ADCY5: variants seen among roughly 807,000 people sequenced by gnomAD.
ADCY5 encodes the protein adenylate cyclase 5.
A neutral mutation model predicts 119.7 loss-of-function variants in ADCY5; 30 were observed. That is an observed-to-expected ratio of 0.25 (90% CI 0.19 to 0.34). ADCY5 has a LOEUF of 0.34. ADCY5 is among the 10% of genes least tolerant of loss of function. The pLI is 1.00. For synonymous variants in ADCY5, 753 were observed against 762.2 expected, an observed-to-expected ratio of 0.99 and a Z score of 0.20; for missense variants, 1,324 against 1,775.2, an observed-to-expected ratio of 0.75 and a Z score of 4.57.
chr3:123,401,491 G>C (rs957769119), intron 1 of ADCY5, among the ~76,000 whole-genome samples: 2 of 152,216 alleles, frequency 1.3e-5, no homozygotes, highest in African/African-American at 4.8e-5. Flanking sequence ...ACCATCCTTG[G>C]AGCCCACATA....
rs77203530 is a variant in ADCY5 at position 123,289,392 on chromosome 3, C to T, written c.3532+358G>A. Among the ~76,000 whole-genome samples, 508 of 152,342 alleles carry T rather than the reference C, an allele frequency of 3.3e-3. 4 individuals carry two copies. Among genetic ancestry groups the T allele is most frequent in the African/African-American group, 8.6e-3 (359 of 41,570 alleles). On this transcript the variant is annotated intron_variant, in intron 19 of 20. Transcript: ENST00000462833. The stretch of plus-strand genomic sequence containing the variant: ...CTGTGCTACAACCACCAGAAGGCCC[C>T]ATGCCCTCGGCACAGAGCATCCCCC...
Position 123,448,577 on chromosome 3 carries a change from T to A in ADCY5, c.-32A>T. The A allele has an allele frequency of 8.0e-7, 1 of 1,252,950 alleles. No individual in the cohort carries two copies. The highest frequency in any genetic ancestry group is 1.0e-6 in the Non-Finnish European group (1 of 1,000,330). 77.6% of individuals were successfully genotyped at this position (1,252,950 alleles called of 1,614,324 possible). ...CTCGGCCTCGTCGTCTCCTTCCTCC[T>A]CCCCCGGAAGCCGGGCCGGGGGTCT... On this transcript the variant is annotated 5_prime_UTR_variant, in exon 1 of 21. Transcript: ENST00000462833.
At position 123,447,524 on chromosome 3, in the gene ADCY5, G is replaced by A. The variant is rs1470579590; in HGVS notation, c.1022C>T (p.Thr341Met). 1.2e-6 allele frequency: 2 copies of A among 1,610,482 alleles called. No individual in the cohort carries two copies. The highest frequency in any genetic ancestry group is 1.7e-5 in the Admixed American group (1 of 59,958). The change falls in exon 1 of 21, where the codon ACG (threonine) becomes ATG (methionine). Residue 341 changes from threonine (T) to methionine (M), a missense_variant. Thr to Met is a moderately conservative substitution (Grantham distance 81). Around this residue, in one of 6 missense-constraint regions of ADCY5, gnomAD observed 585 missense variants for 569.9 expected, o/e 1.03. Transcript: ENST00000462833. ...GGCCCGCATGCGCACGGGCAGCAGCGTGTAGATGGTGTAGATGAAGAACAC... is the reference window on the plus strand; with the variant it reads ...GGCCCGCATGCGCACGGGCAGCAGCATGTAGATGGTGTAGATGAAGAACAC... Reference protein sequence around the residue: ...WTVFFIYTIYTLLPVRMRAAV... With the variant: ...WTVFFIYTIYMLLPVRMRAAV...
intron 1 of ADCY5, among the ~76,000 whole-genome samples, chr3:123,398,318 C>T (rs1000368): frequency 0.24 from 35,823 of 151,994 alleles, 4,587 homozygotes; most frequent in Middle Eastern, 0.36. Context: ...CCTGAGGGTG[C>T]CCCAACTCGA....
chr3:123,431,438 C>T (rs1945520656), intron 1 of ADCY5, among the ~76,000 whole-genome samples: 1 of 32,494 alleles, frequency 3.1e-5, no homozygotes. Context: ...GAGCAAGCCT[C>T]TCTCAAAAGA....
chr3:123,354,810 A>G (rs1942981359), intron 1 of ADCY5, among the ~76,000 whole-genome samples: 1 of 152,242 alleles, frequency 6.6e-6, no homozygotes, highest in Non-Finnish European at 1.5e-5. Flanking sequence ...TTCAAAAAGC[A>G]ACCAACGTAA....
intron 1 of ADCY5, among the ~76,000 whole-genome samples, chr3:123,359,685 G>C (rs1373462560): frequency 6.6e-6 from 1 of 152,104 alleles, no homozygotes; most frequent in African/African-American, 2.4e-5. Context: ...TGGGGGCAGA[G>C]AACCAGCTCC....
At chr3:123,376,991 GC>G (rs1486888839) in intron 1 of ADCY5, among the ~76,000 whole-genome samples, 7 of 152,090 alleles carry the variant, frequency 4.6e-5, no homozygotes, top group Admixed American at 1.3e-4. Flanking sequence ...GAGGAGATGT[GC>G]CCCAGCAAGA....
chr3:123,331,553 T>C (rs1941764163), intron 4 of ADCY5, among the ~76,000 whole-genome samples: 1 of 152,234 alleles, frequency 6.6e-6, no homozygotes, highest in Non-Finnish European at 1.5e-5. Flanking sequence ...AAAAAGAATT[T>C]TGCTCAACTA....
chr3:123,286,961 C>T lies in ADCY5; in HGVS notation c.3533-152G>A, dbSNP rs1046091124. 54 of 1,031,548 alleles carry T rather than the reference C, an allele frequency of 5.2e-5. No individual in the cohort carries two copies. The highest frequency in any genetic ancestry group is 2.0e-4 in the African/African-American group (12 of 61,344). The allele number at this position is 1,031,548 out of a possible 1,614,324, so 63.9% of individuals were successfully genotyped here. ...GGCTGTGCTAAACCCTGCAGCCTCC[C>T]GCTACCCTGCTCCTGTCAAATGCCT... On this transcript the variant is annotated intron_variant, in intron 19 of 20. Transcript: ENST00000462833. This position sits in a 1 kb window ranked among gnomAD's most constrained non-coding sequence, Gnocchi z 4.2.
At chr3:123,399,796 G>A (rs946894276) in intron 1 of ADCY5, among the ~76,000 whole-genome samples, 6 of 152,128 alleles carry the variant, frequency 3.9e-5, no homozygotes, top group Non-Finnish European at 8.8e-5. Context: ...AATCATAACA[G>A]CACATTTCAT....
chr3:123,360,434 A>T (rs138553969), intron 1 of ADCY5, among the ~76,000 whole-genome samples: 1,719 of 152,206 alleles, frequency 0.011, 20 homozygotes, highest in African/African-American at 0.038. Flanking sequence ...CAGCCTCTGT[A>T]AACACCATTC....
At chr3:123,285,580 G>A (rs1318881409) in intron 20 of ADCY5, among the ~76,000 whole-genome samples, 1 of 152,232 alleles carries the variant, frequency 6.6e-6, no homozygotes, top group African/African-American at 2.4e-5. Flanking sequence ...GCAGGCGGTA[G>A]GAGTGCTGGG....
At chr3:123,423,112 T>C (rs1308157249) in intron 1 of ADCY5, among the ~76,000 whole-genome samples, 2 of 152,008 alleles carry the variant, frequency 1.3e-5, no homozygotes, top group Non-Finnish European at 2.9e-5. Flanking sequence ...CCCAAGAGGA[T>C]ACAGGAGGTC....
chr3:123,432,872 G>A (rs1945547876), intron 1 of ADCY5, among the ~76,000 whole-genome samples: 1 of 152,138 alleles, frequency 6.6e-6, no homozygotes, highest in Non-Finnish European at 1.5e-5. Context: ...AAGGAAGAGA[G>A]GTGGGGCTCT....
At chr3:123,348,063 G>GTGTGTGTGTGTGTGTA (rs1942653738) in intron 2 of ADCY5, among the ~76,000 whole-genome samples, 160 bp from the exon 3 acceptor site, 1 of 150,594 alleles carries the variant, frequency 6.6e-6, no homozygotes. Context: ...GTGTGTGTGT[G>GTGTGTGTGTGTGTGTA]TCTGTGCATG....
intron 11 of ADCY5, among the ~76,000 whole-genome samples, chr3:123,317,600 T>C (rs1940984937): frequency 6.6e-6 from 1 of 152,030 alleles, no homozygotes; most frequent in South Asian, 2.1e-4. Flanking sequence ...CCAGGCGTGG[T>C]GGTAGGCACC....
chr3:123,311,781 G>A (rs1397424103), intron 12 of ADCY5, among the ~76,000 whole-genome samples: 1 of 152,324 alleles, frequency 6.6e-6, no homozygotes, highest in South Asian at 2.1e-4. Flanking sequence ...TGGCTGGATG[G>A]TGTGGGACTG....
intron 1 of ADCY5, among the ~76,000 whole-genome samples, chr3:123,446,281 G>A (rs1308916108): frequency 6.6e-6 from 1 of 152,178 alleles, no homozygotes; most frequent in Non-Finnish European, 1.5e-5. Context: ...TCTAAGAGAA[G>A]GCACTAGAAG....
Sources: gnomAD v4.1 joint callset for allele counts (sites outside exome capture counted in the v4.1 genomes callset) on GRCh38, gnomAD v4.1.1 for gene constraint, gnomAD v4.1.1 regional missense constraint, Gnocchi (gnomAD v3.1) non-coding constraint, MANE v1.5 for transcripts, NCBI Gene and HGNC (gene_info 2026-07-23, HGNC 2026-07-21) for gene names.